Variants in OR13A1 observed in about 807,000 individuals in gnomAD.
The protein encoded by OR13A1 is olfactory receptor family 13 subfamily A member 1, also known as olfactory receptor 13A1.
Under a neutral mutation model 7.5 loss-of-function variants are expected in OR13A1, and 10 were observed. That is an observed-to-expected ratio of 1.34 (90% CI 0.83 to 2.27). OR13A1 has a LOEUF of 2.27. Among genes scored for constraint, OR13A1 ranks in the 30% most tolerant of loss-of-function variants. The pLI is 0.00. For missense variants in OR13A1, 509 were observed against 419.1 expected, an observed-to-expected ratio of 1.21 and a Z score of -1.87; for synonymous variants, 238 against 177.9, an observed-to-expected ratio of 1.34 and a Z score of -2.69.
chr10:45,306,559 C>T (rs561645376), intron 3 of OR13A1, among the ~76,000 whole-genome samples: 3 of 152,054 alleles, frequency 2.0e-5, no homozygotes, highest in East Asian at 3.9e-4. Flanking sequence ...TAAATATGTT[C>T]ATTTTAATTA....
At chr10:45,306,786 C>T (rs1173244134) in intron 3 of OR13A1, among the ~76,000 whole-genome samples, 1 of 152,214 alleles carries the variant, frequency 6.6e-6, no homozygotes, top group Non-Finnish European at 1.5e-5. Flanking sequence ...GGTGTTCCAT[C>T]TGTGTATCTT....
At position 45,313,547 on chromosome 10, in the gene OR13A1, A is replaced by T. The variant is rs145346314; in HGVS notation, c.-225+1977T>A. Among the ~76,000 whole-genome samples, 57 of 152,186 alleles carry T rather than the reference A, an allele frequency of 3.7e-4. No individual in the cohort carries two copies. The East Asian group carries it at 0.011, about 29-fold the overall frequency. Reference sequence around the variant, plus strand: ...ATCCTGTCATTTAGGTCTAAGAAACAAATATGCTTAAAATGAAAAAAAGGA... The same window carrying T: ...ATCCTGTCATTTAGGTCTAAGAAACTAATATGCTTAAAATGAAAAAAAGGA... On this transcript the variant is annotated intron_variant, in intron 1 of 3. Transcript: ENST00000553795.
rs11239431 is a variant in OR13A1, at chr10:45,304,144, A to G, written c.279T>C (p.Ser93=). Residue 93 remains serine, a synonymous_variant, in exon 4 of 4, where the codon TCT becomes TCC. Transcript: ENST00000553795. ...TGGCCAGCGCCTTGGGCATGATGGA[A>G]GAGGTGCAGATAATGTCCATAGTAG... ...NLATMDIICT[S]SIMPKALASL... 27,795 of 1,614,152 alleles carry G rather than the reference A, an allele frequency of 0.017. 4,126 individuals are homozygous for G. The African/African-American group carries it at 0.32, about 19-fold the overall frequency.
Position 45,303,703 on chromosome 10 carries a change from G to A in OR13A1, c.720C>T (p.Val240=), listed in dbSNP as rs367799731. The change falls in exon 4 of 4, where the codon GTC becomes GTT. Residue 240 remains valine, a synonymous_variant. Coordinates refer to ENST00000553795, the MANE Select transcript of OR13A1 (RefSeq NM_001004297.3). ...CAGTCTTCACCTTCAGGATGCTGGA[G>A]ACGATGAAGCCATAGGACGCGATGG... ...LMTIASYGFI[V]SSILKVKTAW... 6.2e-7 allele frequency: 1 copy of A among 1,614,212 alleles called. No homozygotes were observed.
chr10:45,311,714 G>A (rs1443174138), intron 1 of OR13A1, among the ~76,000 whole-genome samples: 2 of 151,898 alleles, frequency 1.3e-5, no homozygotes, highest in African/African-American at 4.8e-5. Flanking sequence ...GAGAGGAACA[G>A]AAAAACAACT....
chr10:45,313,653 A>C (rs2133048863), intron 1 of OR13A1, among the ~76,000 whole-genome samples: 1 of 152,272 alleles, frequency 6.6e-6, no homozygotes, highest in South Asian at 2.1e-4. Context: ...CTTAAAGTCA[A>C]AAATAGTCAC....
Position 45,304,452 on chromosome 10 carries a change from A to G in OR13A1, c.-12-18T>C. On this transcript the variant is annotated intron_variant, in intron 3 of 3. Coordinates refer to ENST00000553795, the MANE Select transcript of OR13A1 (RefSeq NM_001004297.3). ...TTTCAGAGCTAGAGAGATAAACAAG[A>G]GGTGTCCTGAGGAAGGCTGCTCCCG... is the stretch of plus-strand genomic sequence containing the variant. The G allele has an allele frequency of 6.3e-7, 1 of 1,582,420 alleles. No homozygotes were observed. The highest frequency in any genetic ancestry group is 2.2e-5 in the East Asian group (1 of 44,606).
chr10:45,306,631 T>C (rs973418942), intron 3 of OR13A1, among the ~76,000 whole-genome samples: 1 of 152,210 alleles, frequency 6.6e-6, no homozygotes, highest in African/African-American at 2.4e-5. Flanking sequence ...TTACACAAAA[T>C]GACCAAACAT....
chr10:45,305,643 C>T (rs975913646), intron 3 of OR13A1, among the ~76,000 whole-genome samples: 4 of 152,246 alleles, frequency 2.6e-5, no homozygotes, highest in Non-Finnish European at 5.9e-5. Context: ...AGCCTTTCTT[C>T]CCACTCATCT....
rs1251969217 is a variant in OR13A1 at position 45,303,250 on chromosome 10, G to T, written c.*186C>A. ...CAAGAGATCTGGTGTCTCAGAGGCTGGTGGGTCACACCTACCGCAATCCCC... is the reference window on the plus strand; with the variant it reads ...CAAGAGATCTGGTGTCTCAGAGGCTTGTGGGTCACACCTACCGCAATCCCC... On this transcript the variant is annotated 3_prime_UTR_variant, in exon 4 of 4. Coordinates refer to ENST00000553795, the MANE Select transcript of OR13A1 (RefSeq NM_001004297.3). The T allele has an allele frequency of 3.4e-5, 21 of 617,018 alleles. No individual in the cohort carries two copies. Among genetic ancestry groups the T allele is most frequent in the Non-Finnish European group, 5.9e-5 (21 of 356,690 alleles). The allele number at this position is 617,018 out of a possible 1,614,324, so 38.2% of individuals were successfully genotyped here.
rs1003295518 is a variant in OR13A1 at position 45,303,789 on chromosome 10, C to G, written c.634G>C (p.Val212Leu). Residue 212 changes from valine (V) to leucine (L), a missense_variant, in exon 4 of 4, where the codon GTC (valine) becomes CTC (leucine). By Grantham distance (32) the Val-to-Leu change is conservative. Transcript: ENST00000553795. ...GCCAGGACAATCATGACACCGTTGA[C>G]GTAGGTGGAGCTGCAGGAGAGAAGC... is the stretch of plus-strand genomic sequence containing the variant. ...LLLLSCSSTY[V>L]NGVMIVLADA... 6.2e-7 allele frequency: 1 copy of G among 1,613,870 alleles called. No individual in the cohort carries two copies. The highest frequency in any genetic ancestry group is 8.5e-7 in the Non-Finnish European group (1 of 1,180,034).
At position 45,303,722 on chromosome 10, in the gene OR13A1, G is replaced by A. The variant is rs757308078; in HGVS notation, c.701C>T (p.Ala234Val). Residue 234 changes from alanine to valine, a missense_variant, in exon 4 of 4, where the codon GCG (alanine) becomes GTG (valine). Physicochemically the swap from Ala to Val is moderately conservative, Grantham distance 64 (BLOSUM62 0). Transcript: ENST00000553795. ...YGIVNFLMTI[A>V]SYGFIVSSIL... ...GCTGGAGACGATGAAGCCATAGGAC[G>A]CGATGGTCATCAGGAAGTTCACTAT... is the stretch of plus-strand genomic sequence containing the variant. The A allele has an allele frequency of 8.7e-6, 14 of 1,614,056 alleles. No homozygotes were observed. The highest frequency in any genetic ancestry group is 7.6e-6 in the Non-Finnish European group (9 of 1,180,044).
At position 45,303,791 on chromosome 10, in the gene OR13A1, T is replaced by G. The variant is rs754049086; in HGVS notation, c.632A>C (p.Tyr211Ser). Reference sequence around the variant, plus strand: ...CAGGACAATCATGACACCGTTGACGTAGGTGGAGCTGCAGGAGAGAAGCAG... The same window carrying G: ...CAGGACAATCATGACACCGTTGACGGAGGTGGAGCTGCAGGAGAGAAGCAG... The part of the protein sequence containing the change: ...PLLLLSCSST[Y>S]VNGVMIVLAD... The change falls in exon 4 of 4, where the codon TAC (tyrosine) becomes TCC (serine). Residue 211 changes from tyrosine to serine, a missense_variant. Coordinates refer to ENST00000553795, the MANE Select transcript of OR13A1 (RefSeq NM_001004297.3). 67 of 1,613,688 alleles carry G rather than the reference T, an allele frequency of 4.2e-5. No individual in the cohort carries two copies. The East Asian group carries it at 1.5e-3, about 36-fold the overall frequency.
At chr10:45,306,495 T>C (rs1159134321) in intron 3 of OR13A1, among the ~76,000 whole-genome samples, 1 of 152,026 alleles carries the variant, frequency 6.6e-6, no homozygotes, top group Non-Finnish European at 1.5e-5. Context: ...ATTTTAAAAA[T>C]GAACATTTGG....
chr10:45,313,548 A>T (rs1330507170), intron 1 of OR13A1, among the ~76,000 whole-genome samples: 2 of 152,060 alleles, frequency 1.3e-5, no homozygotes, highest in Non-Finnish European at 2.9e-5. Flanking sequence ...CTAAGAAACA[A>T]ATATGCTTAA....
chr10:45,307,864 A>G (rs1345889504), intron 1 of OR13A1, 56 bp from the exon 2 acceptor site: 1 of 152,234 alleles, frequency 6.6e-6, no homozygotes, highest in South Asian at 2.1e-4. Context: ...AGAAATAACA[A>G]TAATAGTCCT....
In OR13A1 at chr10:45,303,509, G is replaced by C. The variant is rs763528144; in HGVS notation, c.914C>G (p.Pro305Arg). 7.4e-6 allele frequency: 12 copies of C among 1,614,016 alleles called. No individual in the cohort carries two copies. In the Admixed American group the frequency reaches 1.2e-4, roughly 16 times the overall value. The change falls in exon 4 of 4, where the codon CCC becomes CGC. Residue 305 changes from proline to arginine, a missense_variant. Transcript: ENST00000553795. ...LYTVLSPTLN[P>R]LIYTLRNKEV... The stretch of plus-strand genomic sequence containing the variant: ...CTTGTTTCTCAAAGTATAGATGAGG[G>C]GGTTGAGGGTAGGACTCAGCACAGT...
chr10:45,313,857 C>G (rs1387213354), intron 1 of OR13A1, among the ~76,000 whole-genome samples: 1 of 152,136 alleles, frequency 6.6e-6, no homozygotes, highest in Non-Finnish European at 1.5e-5. Context: ...GCTAGAACAA[C>G]AAGACAGAAA....
At chr10:45,306,544 C>T (rs963817789) in intron 3 of OR13A1, among the ~76,000 whole-genome samples, 1 of 151,860 alleles carries the variant, frequency 6.6e-6, no homozygotes, top group Admixed American at 6.6e-5. Context: ...GGAAGATGTC[C>T]ATTTTAAATA....
Sources: allele counts gnomAD v4.1 joint callset (sites outside exome capture counted in the v4.1 genomes callset), GRCh38; gene constraint gnomAD v4.1.1; transcripts MANE v1.5; gene names NCBI Gene and HGNC (gene_info 2026-07-23, HGNC 2026-07-21).